The following TSHZ3 variants were observed in gnomAD, a reference collection of about 807,000 sequenced individuals.
TSHZ3 encodes the protein teashirt zinc finger homeobox 3.
In TSHZ3, 10 loss-of-function variants were observed where a neutral mutation model predicts 64.5. The observed-to-expected ratio is 0.16, with a 90% CI of 0.10 to 0.26. TSHZ3 has a LOEUF of 0.26. Ranked by LOEUF, TSHZ3 falls within the 10% of genes least tolerant of loss-of-function variation. The pLI is 1.00. For missense variants in TSHZ3, 1,242 were observed against 1,421.7 expected, an observed-to-expected ratio of 0.87 and a Z score of 2.03; for synonymous variants, 608 against 593.1, an observed-to-expected ratio of 1.03 and a Z score of -0.36.
chr19:31,213,194 A>G (rs1223552564), intron 4 of TSHZ3, among the ~76,000 whole-genome samples: 1 of 151,292 alleles, frequency 6.6e-6, no homozygotes, highest in African/African-American at 2.4e-5. Context: ...CGTCTCTACT[A>G]AAATACAAAA....
intron 1 of TSHZ3, among the ~76,000 whole-genome samples, chr19:31,335,869 C>A (rs539905769): frequency 6.6e-6 from 1 of 152,318 alleles, no homozygotes; most frequent in Non-Finnish European, 1.5e-5. Context: ...GGACGTCACA[C>A]CATGAGGTGC....
chr19:31,173,636 G>A (rs369807578), intron 5 of TSHZ3, among the ~76,000 whole-genome samples: 1 of 152,120 alleles, frequency 6.6e-6, no homozygotes, highest in Non-Finnish European at 1.5e-5. Context: ...CACCTAAAAT[G>A]TTCTTTTCTA....
intron 1 of TSHZ3, among the ~76,000 whole-genome samples, chr19:31,311,114 G>T (rs1030890560): frequency 6.6e-6 from 1 of 152,212 alleles, no homozygotes; most frequent in African/African-American, 2.4e-5. Flanking sequence ...TTCTCTCTCC[G>T]TCTCAGGCCA....
At chr19:31,301,156 C>G (rs1370312845) in intron 1 of TSHZ3, among the ~76,000 whole-genome samples, 2 of 151,742 alleles carry the variant, frequency 1.3e-5, no homozygotes, top group African/African-American at 4.9e-5. Flanking sequence ...TGGGTGGGGG[C>G]CTATGTGGGT....
At chr19:31,342,265 C>G (rs1279677812) in intron 1 of TSHZ3, among the ~76,000 whole-genome samples, 1 of 152,180 alleles carries the variant, frequency 6.6e-6, no homozygotes, top group Non-Finnish European at 1.5e-5. Flanking sequence ...TCTCTAGCAG[C>G]AATGCCACAC....
intron 1 of TSHZ3, among the ~76,000 whole-genome samples, chr19:31,330,166 G>T (rs2145180238): frequency 6.6e-6 from 1 of 151,742 alleles, no homozygotes; most frequent in Non-Finnish European, 1.5e-5. Flanking sequence ...ATAACCAAAA[G>T]GTTGGTTTCT....
At chr19:31,295,971 C>T (rs1976653529) in intron 1 of TSHZ3, among the ~76,000 whole-genome samples, 1 of 145,250 alleles carries the variant, frequency 6.9e-6, no homozygotes, top group Admixed American at 7.1e-5. Flanking sequence ...GTCCACTGTT[C>T]CCATCTTTAT....
At chr19:31,191,730 G>A (rs567692004) in intron 5 of TSHZ3, among the ~76,000 whole-genome samples, 53 of 151,966 alleles carry the variant, frequency 3.5e-4, no homozygotes, top group Non-Finnish European at 6.6e-4. Flanking sequence ...ATGGTGGCAC[G>A]TGGCTGTAGT....
At chr19:31,335,858 T>C (rs1917227268) in intron 1 of TSHZ3, among the ~76,000 whole-genome samples, 1 of 152,174 alleles carries the variant, frequency 6.6e-6, no homozygotes, top group African/African-American at 2.4e-5. Context: ...TTACAGAAGG[T>C]GGACGTCACA....
chr19:31,246,743 G>A (rs1975762431), intron 1 of TSHZ3, among the ~76,000 whole-genome samples: 1 of 152,128 alleles, frequency 6.6e-6, no homozygotes, highest in Non-Finnish European at 1.5e-5. Context: ...TTAGCATGGA[G>A]GCGTTTCTTT....
chr19:31,197,599 C>T (rs1032826720), intron 5 of TSHZ3, among the ~76,000 whole-genome samples: 1 of 151,662 alleles, frequency 6.6e-6, no homozygotes, highest in Admixed American at 6.6e-5. Flanking sequence ...ACACAAATTA[C>T]TAATATTAGA....
rs541268642 is a variant in TSHZ3, at chr19:31,196,340, G to A, written n.809+8616C>T. Among the ~76,000 whole-genome samples the A allele has an allele frequency of 2.8e-4, 43 of 151,984 alleles. No individual in the cohort carries two copies. In the South Asian group the frequency reaches 7.7e-3, roughly 27 times the overall value. ...ATATAACTGATACACTAAGAAAAGA[G>A]GGAAAATGAACTTATATAAGTTTTT... On this transcript the variant is annotated intron_variant and non_coding_transcript_variant, in intron 5 of 6. Coordinates refer to the TSHZ3 transcript ENST00000651361.
At chr19:31,257,721 G>A (rs1464160365) in intron 1 of TSHZ3, among the ~76,000 whole-genome samples, 1 of 152,212 alleles carries the variant, frequency 6.6e-6, no homozygotes. Context: ...GACGCGAGGG[G>A]CTTGTCCCTG....
chr19:31,339,279 C>T (rs1917354211), intron 1 of TSHZ3, among the ~76,000 whole-genome samples: 1 of 151,686 alleles, frequency 6.6e-6, no homozygotes, highest in African/African-American at 2.4e-5. Flanking sequence ...GAAAAAAAGT[C>T]AGAAGAGTGT....
intron 3 of TSHZ3, among the ~76,000 whole-genome samples, chr19:31,241,013 C>A (rs1453151228): frequency 6.6e-6 from 1 of 152,052 alleles, no homozygotes; most frequent in Non-Finnish European, 1.5e-5. Context: ...CATTTAGTTT[C>A]TTGATTATAT....
chr19:31,340,629 C>G (rs944912455), intron 1 of TSHZ3, among the ~76,000 whole-genome samples: 1 of 152,106 alleles, frequency 6.6e-6, no homozygotes, highest in Admixed American at 6.5e-5. Flanking sequence ...GATGTCAGTG[C>G]GGGCCCTGAT....
chr19:31,211,640 G>A (rs1275946441), intron 4 of TSHZ3, among the ~76,000 whole-genome samples: 1 of 152,218 alleles, frequency 6.6e-6, no homozygotes, highest in Non-Finnish European at 1.5e-5. Context: ...GCGGCAGACA[G>A]CCATGGGCAA....
At chr19:31,185,487 T>C (rs997778702) in intron 5 of TSHZ3, among the ~76,000 whole-genome samples, 2 of 152,094 alleles carry the variant, frequency 1.3e-5, no homozygotes, top group Non-Finnish European at 2.9e-5. Context: ...AGGAAAGACA[T>C]TGCGGCAGGG....
intron 1 of TSHZ3, among the ~76,000 whole-genome samples, chr19:31,284,754 C>A (rs1976424732): frequency 6.6e-6 from 1 of 152,216 alleles, no homozygotes; most frequent in Non-Finnish European, 1.5e-5. Flanking sequence ...GATATTCCAA[C>A]ACATTGTCAG....
Sources: gnomAD v4.1 joint callset for allele counts (sites outside exome capture counted in the v4.1 genomes callset) on GRCh38, gnomAD v4.1.1 for gene constraint, MANE v1.5 for transcripts, NCBI Gene and HGNC (gene_info 2026-07-23, HGNC 2026-07-21) for gene names.